The following ROBO1 variants were observed in gnomAD, a reference collection of about 807,000 sequenced individuals.
The protein encoded by ROBO1 is roundabout guidance receptor 1, also known as roundabout homolog 1.
ROBO1 carries 149 observed loss-of-function variants against 195.9 expected under a neutral mutation model. The observed-to-expected ratio is 0.76, with a 90% CI of 0.67 to 0.87. The LOEUF is 0.87. Ranked by LOEUF, ROBO1 falls within the 40% of genes least tolerant of loss-of-function variation. The probability of loss-of-function intolerance (pLI) is 0.00; values close to 1 mark genes in which losing one functional copy is unlikely to be tolerated. For missense variants in ROBO1, 1,933 were observed against 2,068.3 expected (o/e 0.93, Z 1.27); for synonymous variants, 816 against 733.2 (o/e 1.11, Z -1.82).
At chr3:78,753,519 T>C (rs1427009202) in intron 4 of ROBO1, among the ~76,000 whole-genome samples, 2 of 151,766 alleles carry the variant, frequency 1.3e-5, no homozygotes, top group Non-Finnish European at 2.9e-5. Context: ...TAAGGATCAA[T>C]TTTTTTTTAA....
chr3:79,536,660 AAAC>A (rs147098305), intron 2 of ROBO1, among the ~76,000 whole-genome samples: 4,600 of 152,226 alleles, frequency 0.03, 247 homozygotes, highest in African/African-American at 0.1. Flanking sequence ...GATATTCATG[AAAC>A]AATATCAATA....
intron 14 of ROBO1, among the ~76,000 whole-genome samples, chr3:78,663,487 C>T (rs1282231638): frequency 6.6e-6 from 1 of 152,104 alleles, no homozygotes; most frequent in Non-Finnish European, 1.5e-5. Flanking sequence ...CCACTGGTCT[C>T]AATTGCTCCT....
At chr3:78,716,373 C>T (rs865903032) in intron 7 of ROBO1, among the ~76,000 whole-genome samples, 17 of 152,170 alleles carry the variant, frequency 1.1e-4, no homozygotes, top group Non-Finnish European at 1.8e-4. Context: ...CTTCACAGGG[C>T]GACAGGAGAG....
At chr3:78,755,804 A>T (rs955722312) in intron 4 of ROBO1, among the ~76,000 whole-genome samples, 5 of 152,210 alleles carry the variant, frequency 3.3e-5, no homozygotes, top group African/African-American at 9.6e-5. Context: ...CTTATTTTTT[A>T]AAAAATTTAA....
At chr3:78,831,837 C>A (rs1482882398) in intron 4 of ROBO1, among the ~76,000 whole-genome samples, 1 of 152,118 alleles carries the variant, frequency 6.6e-6, no homozygotes, top group Non-Finnish European at 1.5e-5. Flanking sequence ...AGGGAACTCC[C>A]CTTTATAAAA....
At chr3:79,019,240 A>G in intron 3 of ROBO1, 1 of 985,856 alleles carries the variant, frequency 1.0e-6, no homozygotes, top group Non-Finnish European at 1.2e-6. Flanking sequence ...GGCACCCCTA[A>G]ACTACGCAGA....
chr3:78,927,082 A>G (rs1369389089), intron 4 of ROBO1, among the ~76,000 whole-genome samples: 2 of 152,228 alleles, frequency 1.3e-5, no homozygotes, highest in East Asian at 3.8e-4. Flanking sequence ...AAGGCCATTA[A>G]GAGTAACAGG....
intron 3 of ROBO1, among the ~76,000 whole-genome samples, chr3:79,096,718 A>C (rs1312347958): frequency 6.6e-6 from 1 of 150,598 alleles, no homozygotes; most frequent in Non-Finnish European, 1.5e-5. Context: ...GTATATATAC[A>C]TATATAAATA....
At chr3:79,538,055 CTTTT>C in intron 2 of ROBO1, among the ~76,000 whole-genome samples, 1 of 152,236 alleles carries the variant, frequency 6.6e-6, no homozygotes, top group South Asian at 2.1e-4. Flanking sequence ...ATGTATCTTT[CTTTT>C]TATCTAAATA....
At chr3:79,595,893 GAGTAAATT>G (rs1944154831) in intron 1 of ROBO1, among the ~76,000 whole-genome samples, 2 of 151,838 alleles carry the variant, frequency 1.3e-5, no homozygotes, top group African/African-American at 4.8e-5. Context: ...GTGGCTTGTA[GAGTAAATT>G]GCTATGCCTA....
chr3:78,844,745 T>A (rs969076449), intron 4 of ROBO1, among the ~76,000 whole-genome samples: 1 of 152,126 alleles, frequency 6.6e-6, no homozygotes, highest in African/African-American at 2.4e-5. Context: ...AATTTTTACA[T>A]ATATTTTCAA....
chr3:79,586,555 T>C (rs1483362235), intron 2 of ROBO1, among the ~76,000 whole-genome samples: 1 of 151,978 alleles, frequency 6.6e-6, no homozygotes, highest in Non-Finnish European at 1.5e-5. Context: ...TAAAGTGTTC[T>C]GTCTGATTTA....
At chr3:78,744,373 G>C (rs947935287) in intron 5 of ROBO1, among the ~76,000 whole-genome samples, 2 of 152,146 alleles carry the variant, frequency 1.3e-5, no homozygotes, top group African/African-American at 4.8e-5. Flanking sequence ...AGAGCTCTTA[G>C]TGGTTCTCCC....
At chr3:78,987,051 C>A (rs2108027746) in intron 3 of ROBO1, among the ~76,000 whole-genome samples, 1 of 151,018 alleles carries the variant, frequency 6.6e-6, no homozygotes, top group African/African-American at 2.4e-5. Context: ...TAAAACACAG[C>A]AGTGTTTCTG....
At chr3:79,196,889 G>A (rs900219878) in intron 2 of ROBO1, among the ~76,000 whole-genome samples, 1 of 151,560 alleles carries the variant, frequency 6.6e-6, no homozygotes, top group Non-Finnish European at 1.5e-5. Flanking sequence ...TTCAGATAAG[G>A]CTTTTCTCTC....
intron 2 of ROBO1, among the ~76,000 whole-genome samples, chr3:79,392,678 A>G (rs1048114593): frequency 2.6e-5 from 4 of 152,212 alleles, no homozygotes; most frequent in Admixed American, 6.5e-5. Context: ...GACCTATTAC[A>G]TCACCCAACT....
intron 4 of ROBO1, among the ~76,000 whole-genome samples, chr3:78,763,888 A>G (rs2083164786): frequency 6.6e-6 from 1 of 152,190 alleles, no homozygotes; most frequent in East Asian, 1.9e-4. Flanking sequence ...GCCTACATAG[A>G]AAGTGTGAAC....
chr3:79,518,670 C>A (rs914916522), intron 2 of ROBO1, among the ~76,000 whole-genome samples: 2 of 151,178 alleles, frequency 1.3e-5, no homozygotes, highest in Non-Finnish European at 2.9e-5. Context: ...TTCTCCAAAT[C>A]TTTTATTATT....
intron 2 of ROBO1, among the ~76,000 whole-genome samples, chr3:79,474,882 C>G (rs1465286766): frequency 2.0e-5 from 3 of 152,022 alleles, no homozygotes; most frequent in African/African-American, 7.2e-5. Context: ...AATAACAACA[C>G]TAGCCTAGCA....
Sources: allele counts gnomAD v4.1 joint callset (sites outside exome capture counted in the v4.1 genomes callset), GRCh38; gene constraint gnomAD v4.1.1; transcripts MANE v1.5; gene names NCBI Gene and HGNC (gene_info 2026-07-23, HGNC 2026-07-21).